FCRL5: variants seen among roughly 807,000 people sequenced by gnomAD.
FCRL5 encodes the protein Fc receptor like 5, also known as Fc receptor-like protein 5.
FCRL5 carries 79 observed loss-of-function variants against 92.1 expected under a neutral mutation model. The ratio of observed to expected loss-of-function variants is 0.86; its 90% CI spans 0.72 to 1.03. FCRL5 has a LOEUF of 1.03. Among genes scored for constraint, FCRL5 ranks in the 50% least tolerant of loss-of-function variants. The pLI, the probability that FCRL5 is intolerant of heterozygous loss-of-function variation, is 0.00. For missense variants in FCRL5, 1,160 were observed against 1,181.1 expected (o/e 0.98, Z 0.26); for synonymous variants, 466 against 469.3 (o/e 0.99, Z 0.09).
chr1:157,544,630 C>A, intron 4 of FCRL5, 84 bp from the exon 5 acceptor site: 1 of 1,510,446 alleles, frequency 6.6e-7, no homozygotes. Context: ...GCAGCACATC[C>A]AAAAGCAGGC....
chr1:157,522,222 T>C (rs1409367016), intron 10 of FCRL5: 1 of 152,252 alleles, frequency 6.6e-6, no homozygotes, highest in Non-Finnish European at 1.5e-5. Context: ...GAAAGAGACC[T>C]TTACTTTTCA....
intron 7 of FCRL5, among the ~76,000 whole-genome samples, chr1:157,536,223 T>C (rs1650965942): frequency 6.6e-6 from 1 of 152,160 alleles, no homozygotes; most frequent in Non-Finnish European, 1.5e-5. Flanking sequence ...ATTACAGGCA[T>C]GAGCCACCTC....
intron 15 of FCRL5, chr1:157,516,182 T>C: frequency 2.1e-6 from 1 of 485,680 alleles, no homozygotes; most frequent in Non-Finnish European, 3.8e-6. Flanking sequence ...TTGGTATTAT[T>C]GTTCTGGGAA....
At chr1:157,523,131 T>A (rs1650274475) in intron 10 of FCRL5, among the ~76,000 whole-genome samples, 1 of 152,234 alleles carries the variant, frequency 6.6e-6, no homozygotes, top group South Asian at 2.1e-4. Flanking sequence ...CAGATCAACC[T>A]GCTTATGTGA....
intron 7 of FCRL5, among the ~76,000 whole-genome samples, chr1:157,537,292 C>T (rs1436949014): frequency 2.0e-5 from 3 of 152,132 alleles, no homozygotes; most frequent in Non-Finnish European, 4.4e-5. Context: ...AAGGGGAGGC[C>T]TCTGAAATGG....
At chr1:157,538,372 T>C (rs1398977110) in intron 7 of FCRL5, among the ~76,000 whole-genome samples, 2 of 152,210 alleles carry the variant, frequency 1.3e-5, no homozygotes, top group African/African-American at 2.4e-5. Context: ...CAAATCACAC[T>C]GTCTCCTTCA....
chr1:157,543,339 T>A (rs1651363123), intron 5 of FCRL5, among the ~76,000 whole-genome samples: 1 of 152,224 alleles, frequency 6.6e-6, no homozygotes, highest in South Asian at 2.1e-4. Context: ...GCCCAATTAT[T>A]CTGAGTCTTC....
At chr1:157,516,147 T>C (rs922016970) in intron 15 of FCRL5, 1 of 575,326 alleles carries the variant, frequency 1.7e-6, no homozygotes, top group Non-Finnish European at 3.1e-6. Flanking sequence ...ATTTGTCTTT[T>C]ATCTTGTTAG....
At position 157,515,697 on chromosome 1, in the gene FCRL5, G is replaced by A. The variant is rs758817973; in HGVS notation, c.2912C>T (p.Ala971Val). ...STPVSGSLFL[A>V]SSAPHR ...GACTCATCTGTGAGGAGCTGAGGAA[G>A]CCAAGAACAGGGATCCGGAAACCGG... Residue 971 changes from alanine (A) to valine (V), a missense_variant, in exon 17 of 17, where the codon GCT becomes GTT. Transcript: ENST00000361835. The A allele has an allele frequency of 1.3e-5, 21 of 1,614,054 alleles. No individual in the cohort carries two copies. In the South Asian group the frequency reaches 2.3e-4, roughly 18 times the overall value.
rs1445181102 is a variant in FCRL5, at chr1:157,547,158, C to T, written c.92G>A (p.Trp31Ter). The change falls in exon 3 of 17, where the codon TGG (tryptophan) becomes TAG (stop). Residue 31 changes from tryptophan to a stop codon, truncating the protein, a stop_gained. Coordinates refer to ENST00000361835, the MANE Select transcript of FCRL5 (RefSeq NM_031281.3). LOFTEE classifies it high-confidence loss of function. Reference protein sequence around the residue: ...PRPIIFLQPPWTTVFQGERVT... With the variant: ...PRPIIFLQPP Reference sequence around the variant, plus strand: ...TCTCTCTCCTTGGAAGACTGTGGTCCATGGAGGCTGGAGGAAAATAATGGG... The same window carrying T: ...TCTCTCTCCTTGGAAGACTGTGGTCTATGGAGGCTGGAGGAAAATAATGGG... 1 of 1,613,996 alleles carries T rather than the reference C, an allele frequency of 6.2e-7. No individual in the cohort carries two copies. Among genetic ancestry groups the T allele is most frequent in the Non-Finnish European group, 8.5e-7 (1 of 1,180,028 alleles).
intron 8 of FCRL5, among the ~76,000 whole-genome samples, chr1:157,531,629 T>A (rs1043810405): frequency 6.6e-6 from 1 of 152,152 alleles, no homozygotes; most frequent in African/African-American, 2.4e-5. Flanking sequence ...AATGGAATAG[T>A]ATTCAGCCAT....
intron 9 of FCRL5, among the ~76,000 whole-genome samples, chr1:157,526,832 A>C (rs1650449094): frequency 6.6e-6 from 1 of 152,044 alleles, no homozygotes; most frequent in African/African-American, 2.4e-5. Context: ...GCAGAAGGCC[A>C]GGGGGTGGTT....
At position 157,514,982 on chromosome 1, in the gene FCRL5, G is replaced by T. The variant is rs1186571189; in HGVS notation, c.*693C>A. ...TGGTCCTCCTGGCCTTGACTTGCTG[G>T]GTTACTTCTGTTAGGATGGGAAGAA... On this transcript the variant is annotated 3_prime_UTR_variant, in exon 17 of 17. Coordinates refer to ENST00000361835, the MANE Select transcript of FCRL5 (RefSeq NM_031281.3). 6.5e-6 allele frequency: 1 copy of T among 153,978 alleles called. No homozygotes were observed. Among genetic ancestry groups the T allele is most frequent in the South Asian group, 2.1e-4 (1 of 4,862 alleles). The allele number at this position is 153,978 out of a possible 1,614,324, so 9.5% of individuals were successfully genotyped here. A position where few individuals can be genotyped will look rare whatever the true frequency, so the allele number is the denominator to read the frequency against.
intron 3 of FCRL5, 83 bp from the exon 4 acceptor site, chr1:157,545,165 TA>T (rs1321806644): frequency 2.7e-6 from 4 of 1,470,892 alleles, no homozygotes; most frequent in African/African-American, 1.4e-5. Context: ...GATTTTATTT[TA>T]AAAAAATGGG....
intron 1 of FCRL5, 151 bp from the exon 2 acceptor site, chr1:157,549,731 T>C (rs1339841683): frequency 1.1e-5 from 6 of 554,082 alleles, no homozygotes; most frequent in Non-Finnish European, 1.9e-5. Context: ...TGTATATATA[T>C]ACACATAAAT....
At position 157,523,058 on chromosome 1, in the gene FCRL5, G is replaced by A. The variant is rs181093738; in HGVS notation, c.2239+1221C>T. Reference sequence around the variant, plus strand: ...CCCAAATCTGAAGTCATCACCTCCTGGATAACAATGAGATGGTTGCACTGG... The same window carrying A: ...CCCAAATCTGAAGTCATCACCTCCTAGATAACAATGAGATGGTTGCACTGG... On this transcript the variant is annotated intron_variant, in intron 10 of 16. Transcript: ENST00000361835. 3.9e-5 allele frequency among the ~76,000 whole-genome samples: 6 copies of A among 152,274 alleles called. No homozygotes were observed. In the East Asian group the frequency reaches 1.2e-3, roughly 29 times the overall value.
chr1:157,534,462 C>G, intron 8 of FCRL5, 152 bp downstream of exon 8: 1 of 886,646 alleles, frequency 1.1e-6, no homozygotes, highest in Non-Finnish European at 1.8e-6. Context: ...CTTATGAGTA[C>G]GGAAAACCCC....
chr1:157,543,144 A>G lies in FCRL5; in HGVS notation c.845-7T>C, dbSNP rs1457512878. On this transcript the variant is annotated splice_region_variant and splice_polypyrimidine_tract_variant and intron_variant, in intron 5 of 16. Transcript: ENST00000361835. ...ACAGGATGAGATGCAGGGACTGAGC[A>G]AGAGAAAAAATTAGTCAAGAATTGC... is the stretch of plus-strand genomic sequence containing the variant. 1.2e-6 allele frequency: 2 copies of G among 1,609,814 alleles called. No individual in the cohort carries two copies. Among genetic ancestry groups the G allele is most frequent in the South Asian group, 1.1e-5 (1 of 90,740 alleles).
chr1:157,536,333 G>A (rs1354845401), intron 7 of FCRL5, among the ~76,000 whole-genome samples: 1 of 152,194 alleles, frequency 6.6e-6, no homozygotes, highest in Non-Finnish European at 1.5e-5. Context: ...TACCCTTGGT[G>A]ACAGTGGGGC....
Sources: gnomAD v4.1 joint callset for allele counts (sites outside exome capture counted in the v4.1 genomes callset) on GRCh38, gnomAD v4.1.1 for gene constraint, MANE v1.5 for transcripts, NCBI Gene and HGNC (gene_info 2026-07-23, HGNC 2026-07-21) for gene names.